Variants in PTCH1 observed in about 807,000 individuals in gnomAD.
PTCH1 encodes protein patched homolog 1.
A neutral mutation model predicts 144.6 loss-of-function variants in PTCH1; 14 were observed. That is an observed-to-expected ratio of 0.10 (90% CI 0.06 to 0.15). The LOEUF is 0.15. Ranked by LOEUF, PTCH1 falls within the 10% of genes least tolerant of loss-of-function variation. PTCH1 has a pLI of 1.00. For missense variants in PTCH1, 1,623 were observed against 1,948.3 expected (o/e 0.83, Z 3.14); for synonymous variants, 833 against 793.6 (o/e 1.05, Z -0.83).
chr9:95,470,532 C>T (rs975453717), intron 12 of PTCH1, among the ~76,000 whole-genome samples: 6 of 152,038 alleles, frequency 3.9e-5, no homozygotes, highest in African/African-American at 1.2e-4. Flanking sequence ...GATTATAGTA[C>T]GCAGAATAAA....
At chr9:95,477,729 A>G (rs767874215) in intron 9 of PTCH1, 27 bp from the exon 10 acceptor site, 1 of 1,613,518 alleles carries the variant, frequency 6.2e-7, no homozygotes. Context: ...GGGGGCACAG[A>G]ACAAAAGCCG....
chr9:95,479,771 T>G (rs184422600), intron 7 of PTCH1, 198 bp downstream of exon 7: 1 of 802,754 alleles, frequency 1.2e-6, no homozygotes, highest in African/African-American at 1.7e-5. Flanking sequence ...AATCCATTCT[T>G]GAAAAATTCC....
rs1841041607 is a variant in PTCH1 at position 95,476,443 on chromosome 9, TG to T, written c.1603-285del. ...TTTAAAAGGGAGTGGAGGGAGGTGA[TG>T]GCTAAGTGACAGACATCTCCAGAGA... On this transcript the variant is annotated intron_variant, in intron 11 of 23. Coordinates refer to ENST00000331920, the MANE Select transcript of PTCH1 (RefSeq NM_000264.5). This position sits in a 1 kb window ranked among gnomAD's most constrained non-coding sequence, Gnocchi z 4.6. 6.6e-6 allele frequency among the ~76,000 whole-genome samples: 1 copy of T among 152,150 alleles called. No homozygotes were observed. Among genetic ancestry groups the T allele is most frequent in the Non-Finnish European group, 1.5e-5 (1 of 68,042 alleles).
intron 20 of PTCH1, chr9:95,451,443 G>A (rs1205247066): frequency 6.6e-6 from 1 of 152,194 alleles, no homozygotes; most frequent in African/African-American, 2.4e-5. Flanking sequence ...TGATATTTCT[G>A]GGCGGGAACA....
At chr9:95,506,373 C>G (rs1406893929) in intron 2 of PTCH1, 34 bp downstream of exon 2, 1 of 1,603,508 alleles carries the variant, frequency 6.2e-7, no homozygotes, top group Admixed American at 1.7e-5. Context: ...AGGGACCGGG[C>G]CGGGGGCGCG....
chr9:95,511,172 C>A (rs1269627788), upstream of PTCH1, among the ~76,000 whole-genome samples: 1 of 150,120 alleles, frequency 6.7e-6, no homozygotes, highest in Non-Finnish European at 1.5e-5. Flanking sequence ...GGCGCGCCGG[C>A]CACCGGGGCG....
Position 95,458,706 on chromosome 9 carries a change from G to A in PTCH1, c.2888-413C>T, listed in dbSNP as rs549535064. On this transcript the variant is annotated intron_variant, in intron 17 of 23. Transcript: ENST00000331920. This position sits in a 1 kb window ranked among gnomAD's most constrained non-coding sequence, Gnocchi z 4.7. ...TGCTTAACTTATCCTTTTAGTGCCT[G>A]AACAAACTTCAACCTTGTATGCTTC... is the stretch of plus-strand genomic sequence containing the variant. Among the ~76,000 whole-genome samples, 39 of 152,190 alleles carry A rather than the reference G, an allele frequency of 2.6e-4. No homozygotes were observed. Among genetic ancestry groups the A allele is most frequent in the Admixed American group, 4.6e-4 (7 of 15,274 alleles).
Position 95,449,136 on chromosome 9 carries a change from C to T in PTCH1, c.3737G>A (p.Gly1246Asp), listed in dbSNP as rs374011978. 5.0e-6 allele frequency: 8 copies of T among 1,614,016 alleles called. No individual in the cohort carries two copies. The highest frequency in any genetic ancestry group is 2.2e-5 in the South Asian group (2 of 91,068). Residue 1246 changes from glycine to aspartate, a missense_variant, in exon 22 of 24, where the codon GGC (glycine) becomes GAC (aspartate). Transcript: ENST00000331920. This position sits in a 1 kb window ranked among gnomAD's most constrained non-coding sequence, Gnocchi z 5.3. ...EELRHYEAQQ[G>D]AGGPAHQVIV... ...CACTTGGTGGGCAGGGCCTCCCGCG[C>T]CCTGCTGGGCCTCGTAGTGCCGAAG...
intron 20 of PTCH1, chr9:95,452,641 GA>G (rs1241992275): frequency 6.6e-6 from 1 of 152,124 alleles, no homozygotes; most frequent in African/African-American, 2.4e-5. Flanking sequence ...AAATCAACTG[GA>G]AACGACTTGC....
intron 10 of PTCH1, 56 bp downstream of exon 10, chr9:95,477,491 C>T: frequency 6.2e-7 from 1 of 1,612,836 alleles, no homozygotes; most frequent in Non-Finnish European, 8.5e-7. Flanking sequence ...CTGGGCCAAG[C>T]CTGGGGGCCG....
At chr9:95,477,750 T>A in intron 9 of PTCH1, 48 bp from the exon 10 acceptor site, 1 of 1,606,814 alleles carries the variant, frequency 6.2e-7, no homozygotes, top group African/African-American at 1.3e-5. Flanking sequence ...AACATTAGAA[T>A]GTGTTGTGAT....
chr9:95,451,821 A>C (rs1672401026), intron 20 of PTCH1: 1 of 152,270 alleles, frequency 6.6e-6, no homozygotes, highest in Admixed American at 6.5e-5. Context: ...GTGTATACTA[A>C]GAACAAAGGA....
upstream of PTCH1, among the ~76,000 whole-genome samples, chr9:95,510,286 CATGTT>C (rs1651171198): frequency 6.6e-6 from 1 of 152,000 alleles, no homozygotes; most frequent in Non-Finnish European, 1.5e-5. Context: ...ACTCGGTATG[CATGTT>C]ATATTTAATA....
chr9:95,461,574 C>T lies in PTCH1; in HGVS notation c.2703+282G>A, dbSNP rs28441412. Among the ~76,000 whole-genome samples the T allele has an allele frequency of 0.03, 4,579 of 152,314 alleles. 219 individuals are homozygous for T. The highest frequency in any genetic ancestry group is 0.1 in the African/African-American group (4,318 of 41,548). On this transcript the variant is annotated intron_variant, in intron 16 of 23. Coordinates refer to ENST00000331920, the MANE Select transcript of PTCH1 (RefSeq NM_000264.5). Reference sequence around the variant, plus strand: ...CATTTCTAACATTGGAAAGAGCCTGCACTCTCTTGGCTGCACTTTATTCTG... The same window carrying T: ...CATTTCTAACATTGGAAAGAGCCTGTACTCTCTTGGCTGCACTTTATTCTG...
chr9:95,491,970 C>G (rs1389508861), intron 2 of PTCH1, among the ~76,000 whole-genome samples: 1 of 152,108 alleles, frequency 6.6e-6, no homozygotes, highest in Non-Finnish European at 1.5e-5. Context: ...CACAACCAAA[C>G]AGGAAATCAT....
intron 15 of PTCH1, among the ~76,000 whole-genome samples, chr9:95,462,628 G>C (rs1411690730): frequency 1.3e-5 from 2 of 152,186 alleles, no homozygotes; most frequent in African/African-American, 4.8e-5. Context: ...CTCAGGAGAG[G>C]GGGTGGAGGA....
At chr9:95,469,778 C>T in intron 13 of PTCH1, 35 bp downstream of exon 13, 1 of 1,554,112 alleles carries the variant, frequency 6.4e-7, no homozygotes, top group Non-Finnish European at 8.9e-7. Flanking sequence ...CCATTCTGCA[C>T]CCAATCAAAA....
intron 20 of PTCH1, 45 bp downstream of exon 20, chr9:95,453,433 T>C (rs1247094486): frequency 1.2e-6 from 2 of 1,612,194 alleles, no homozygotes; most frequent in South Asian, 1.1e-5. Context: ...CCCGGCCCAA[T>C]CACAATGATT....
chr9:95,458,112 G>A lies in PTCH1; in HGVS notation c.3069C>T (p.Gly1023=). 6.2e-7 allele frequency: 1 copy of A among 1,614,256 alleles called. No homozygotes were observed. The highest frequency in any genetic ancestry group is 8.5e-7 in the Non-Finnish European group (1 of 1,180,046). Residue 1023 remains glycine, a synonymous_variant, in exon 18 of 24, where the codon GGC becomes GGT. Coordinates refer to ENST00000331920, the MANE Select transcript of PTCH1 (RefSeq NM_000264.5). The surrounding 1 kb of genome is among the most constrained non-coding windows in gnomAD (Gnocchi z 4.7). ...YPFLFWEQYI[G]LRHWLLLFIS... is the part of the protein sequence containing the mutation. ...TGAACAGCAGCAGCCAGTGGCGGAG[G>A]CCGATGTACTGCTCCCAGAAGAGGA...
Sources: allele counts gnomAD v4.1 joint callset (sites outside exome capture counted in the v4.1 genomes callset), GRCh38; gene constraint gnomAD v4.1.1; non-coding constraint Gnocchi (gnomAD v3.1); transcripts MANE v1.5; gene names NCBI Gene and HGNC (gene_info 2026-07-23, HGNC 2026-07-21).